KIF16B: variants seen among roughly 807,000 people sequenced by gnomAD.
The protein encoded by KIF16B is kinesin-like protein KIF16B.
Under a neutral mutation model 156.3 loss-of-function variants are expected in KIF16B, and 98 were observed. That is an observed-to-expected ratio of 0.63 (90% CI 0.53 to 0.74). KIF16B has a LOEUF of 0.74. KIF16B is among the 30% of genes least tolerant of loss of function. The pLI is 0.00. For synonymous variants in KIF16B, 564 were observed against 583.7 expected (o/e 0.97, Z 0.49); for missense variants, 1,421 against 1,606.5 (o/e 0.88, Z 1.97).
intron 22 of KIF16B, 144 bp from the exon 23 acceptor site, chr20:16,356,596 G>T: frequency 1.1e-6 from 1 of 875,944 alleles, no homozygotes; most frequent in Non-Finnish European, 1.7e-6. Flanking sequence ...GAAAAATGAT[G>T]GTTTCCTTTG....
intron 15 of KIF16B, among the ~76,000 whole-genome samples, chr20:16,411,392 C>T (rs1386323550): frequency 6.6e-6 from 1 of 152,072 alleles, no homozygotes; most frequent in East Asian, 1.9e-4. Flanking sequence ...CACTTCAACA[C>T]TATACTCTTC....
intron 25 of KIF16B, among the ~76,000 whole-genome samples, chr20:16,277,112 T>G (rs1295849365): frequency 6.6e-6 from 1 of 152,190 alleles, no homozygotes; most frequent in Non-Finnish European, 1.5e-5. Context: ...ATGAGCGGAA[T>G]CATTTGGGAT....
At chr20:16,342,148 A>C (rs543653567) in intron 23 of KIF16B, among the ~76,000 whole-genome samples, 12 of 152,244 alleles carry the variant, frequency 7.9e-5, no homozygotes, top group Admixed American at 7.8e-4. Context: ...ATCCCTTAGC[A>C]TTTGGTTCAC....
chr20:16,439,873 C>T (rs781380292), intron 12 of KIF16B, among the ~76,000 whole-genome samples: 13 of 152,104 alleles, frequency 8.5e-5, no homozygotes, highest in Non-Finnish European at 1.5e-4. Flanking sequence ...GACCTGCCCC[C>T]GTGATTCAAT....
At chr20:16,297,957 C>A (rs2063416253) in intron 25 of KIF16B, among the ~76,000 whole-genome samples, 1 of 152,202 alleles carries the variant, frequency 6.6e-6, no homozygotes, top group South Asian at 2.1e-4. Context: ...CCATTCTCTC[C>A]ACAGTGATAA....
intron 12 of KIF16B, among the ~76,000 whole-genome samples, chr20:16,477,584 A>T (rs1443331335): frequency 6.6e-6 from 1 of 152,174 alleles, no homozygotes; most frequent in South Asian, 2.1e-4. Flanking sequence ...ATGTTATTTA[A>T]GGGGGTTTAT....
At chr20:16,454,457 G>A (rs761798099) in intron 12 of KIF16B, among the ~76,000 whole-genome samples, 2 of 151,164 alleles carry the variant, frequency 1.3e-5, no homozygotes, top group African/African-American at 4.8e-5. Flanking sequence ...CAATTCTACA[G>A]TCTAAGTCAA....
chr20:16,556,594 C>T (rs2070857810), intron 1 of KIF16B, among the ~76,000 whole-genome samples: 1 of 152,156 alleles, frequency 6.6e-6, no homozygotes, highest in African/African-American at 2.4e-5. Flanking sequence ...CTCACTCCTC[C>T]AATGGCCCTA....
chr20:16,422,729 A>C (rs1170678760), intron 15 of KIF16B, among the ~76,000 whole-genome samples: 1 of 152,164 alleles, frequency 6.6e-6, no homozygotes, highest in South Asian at 2.1e-4. Flanking sequence ...AAAAACTTTC[A>C]AAGTTTTACT....
chr20:16,487,961 A>G (rs965788206), intron 12 of KIF16B, among the ~76,000 whole-genome samples: 7 of 152,220 alleles, frequency 4.6e-5, no homozygotes, highest in African/African-American at 1.7e-4. Flanking sequence ...TAAATAAAAC[A>G]ACTTCAATCC....
At chr20:16,292,185 T>C (rs563743998) in intron 25 of KIF16B, among the ~76,000 whole-genome samples, 2 of 152,268 alleles carry the variant, frequency 1.3e-5, no homozygotes, top group African/African-American at 4.8e-5. Context: ...AAAGTATATA[T>C]GTAAATGTAA....
intron 3 of KIF16B, among the ~76,000 whole-genome samples, chr20:16,524,628 AG>A (rs2069472216): frequency 6.6e-6 from 1 of 152,226 alleles, no homozygotes; most frequent in African/African-American, 2.4e-5. Context: ...CGATTCCTCA[AG>A]GATCTAGAAC....
intron 17 of KIF16B, among the ~76,000 whole-genome samples, chr20:16,404,402 T>C (rs537281401): frequency 1.4e-4 from 22 of 152,312 alleles, no homozygotes; most frequent in South Asian, 4.1e-4. Flanking sequence ...GAAGATAATT[T>C]CCTGCTCCAT....
At chr20:16,432,331 T>TG (rs1310053910) in intron 12 of KIF16B, among the ~76,000 whole-genome samples, 1 of 152,144 alleles carries the variant, frequency 6.6e-6, no homozygotes, top group Admixed American at 6.6e-5. Flanking sequence ...AACCACTAAC[T>TG]GGGGATCCTG....
At chr20:16,354,711 CA>C (rs1249112673) in intron 23 of KIF16B, among the ~76,000 whole-genome samples, 1 of 152,090 alleles carries the variant, frequency 6.6e-6, no homozygotes, top group Non-Finnish European at 1.5e-5. Flanking sequence ...TTTGGGAGGC[CA>C]AGGCAGGTGG....
At chr20:16,547,552 C>T (rs2070460887) in intron 1 of KIF16B, among the ~76,000 whole-genome samples, 1 of 152,192 alleles carries the variant, frequency 6.6e-6, no homozygotes, top group Non-Finnish European at 1.5e-5. Flanking sequence ...TGTCATATCA[C>T]CTTCTCCAGT....
At chr20:16,325,518 G>A (rs904387794) in intron 24 of KIF16B, among the ~76,000 whole-genome samples, 4 of 150,506 alleles carry the variant, frequency 2.7e-5, no homozygotes, top group East Asian at 2.0e-4. Context: ...GCAACCAAGC[G>A]GAGAATCAAA....
intron 15 of KIF16B, among the ~76,000 whole-genome samples, chr20:16,425,639 C>T (rs1038386836): frequency 6.6e-6 from 1 of 152,088 alleles, no homozygotes; most frequent in African/African-American, 2.4e-5. Flanking sequence ...AGAGTAACTC[C>T]CCAGTGGGGA....
At chr20:16,414,784 T>C (rs1448165473) in intron 15 of KIF16B, among the ~76,000 whole-genome samples, 1 of 152,114 alleles carries the variant, frequency 6.6e-6, no homozygotes, top group Non-Finnish European at 1.5e-5. Context: ...TAACACCTCA[T>C]GCGAGAAACA....
Sources: allele counts gnomAD v4.1 joint callset (sites outside exome capture counted in the v4.1 genomes callset), GRCh38; gene constraint gnomAD v4.1.1; transcripts MANE v1.5; gene names NCBI Gene and HGNC (gene_info 2026-07-23, HGNC 2026-07-21).